Variants in LHFPL6 observed in about 807,000 individuals in gnomAD.
The protein encoded by LHFPL6 is LHFPL tetraspan subfamily member 6 protein.
Under a neutral mutation model 20.6 loss-of-function variants are expected in LHFPL6, and 9 were observed. That is an observed-to-expected ratio of 0.44 (90% CI 0.26 to 0.76). The LOEUF (loss-of-function observed/expected upper bound fraction) is 0.76. Among genes scored for constraint, LHFPL6 ranks in the 30% least tolerant of loss-of-function variants. The probability of loss-of-function intolerance (pLI) is 0.20; values close to 1 mark genes in which losing one functional copy is unlikely to be tolerated. For missense variants in LHFPL6, 218 were observed against 253.5 expected (o/e 0.86, Z 0.95); for synonymous variants, 105 against 98.7 (o/e 1.06, Z -0.38).
In LHFPL6 at chr13:39,500,704, G is replaced by A. The variant is rs532242858; in HGVS notation, c.385+100128C>T. On this transcript the variant is annotated intron_variant, in intron 2 of 3. Coordinates refer to ENST00000379589, the MANE Select transcript of LHFPL6 (RefSeq NM_005780.3). Reference sequence around the variant, plus strand: ...AAGGCCCATGAATTGTATATTAAATGTTCTCAAACCTTTTAAAATGTATAC... The same window carrying A: ...AAGGCCCATGAATTGTATATTAAATATTCTCAAACCTTTTAAAATGTATAC... Among the ~76,000 whole-genome samples the A allele has an allele frequency of 3.9e-5, 6 of 152,196 alleles. No homozygotes were observed. In the South Asian group the frequency reaches 1.2e-3, roughly 32 times the overall value.
chr13:39,574,803 G>A (rs1872058432), intron 2 of LHFPL6, among the ~76,000 whole-genome samples: 2 of 152,148 alleles, frequency 1.3e-5, no homozygotes, highest in South Asian at 2.1e-4. Context: ...CAGGAGTGGT[G>A]GCTCACGCCT....
At chr13:39,379,713 C>T (rs1870388528) in intron 2 of LHFPL6, among the ~76,000 whole-genome samples, 1 of 152,194 alleles carries the variant, frequency 6.6e-6, no homozygotes, top group Non-Finnish European at 1.5e-5. Context: ...CTTTCCATCC[C>T]TGTCCTCAAC....
chr13:39,437,830 A>T (rs961071033), intron 2 of LHFPL6, among the ~76,000 whole-genome samples: 4 of 150,896 alleles, frequency 2.7e-5, no homozygotes, highest in African/African-American at 9.7e-5. Flanking sequence ...TGAACCCAGG[A>T]GGCAGAGCTT....
At chr13:39,373,553 G>A (rs1870213544) in intron 3 of LHFPL6, among the ~76,000 whole-genome samples, 1 of 152,204 alleles carries the variant, frequency 6.6e-6, no homozygotes, top group Non-Finnish European at 1.5e-5. Context: ...CAGCGTACTA[G>A]GGTAATTGGA....
intron 2 of LHFPL6, among the ~76,000 whole-genome samples, chr13:39,559,123 G>A (rs1185838541): frequency 2.6e-5 from 4 of 152,172 alleles, no homozygotes; most frequent in South Asian, 2.1e-4. Flanking sequence ...GACAGCTGGC[G>A]GAAGTCTCAC....
At chr13:39,398,852 T>C (rs1870910242) in intron 2 of LHFPL6, among the ~76,000 whole-genome samples, 1 of 152,190 alleles carries the variant, frequency 6.6e-6, no homozygotes, top group African/African-American at 2.4e-5. Context: ...GTGCACTCCT[T>C]ATGAGAATCT....
intron 2 of LHFPL6, among the ~76,000 whole-genome samples, chr13:39,461,180 T>C (rs1471653369): frequency 6.6e-6 from 1 of 152,210 alleles, no homozygotes; most frequent in Non-Finnish European, 1.5e-5. Flanking sequence ...GTCGTTTTTA[T>C]GGCTGCATAG....
intron 1 of LHFPL6, among the ~76,000 whole-genome samples, chr13:39,602,102 T>C (rs867295906): frequency 1.2e-4 from 19 of 152,314 alleles, no homozygotes; most frequent in South Asian, 4.1e-4. Context: ...CACTGAATGA[T>C]TGTCTAATTT....
chr13:39,394,915 G>A (rs1454150525), intron 2 of LHFPL6, among the ~76,000 whole-genome samples: 2 of 152,164 alleles, frequency 1.3e-5, no homozygotes, highest in African/African-American at 4.8e-5. Flanking sequence ...AAAGAAGAAA[G>A]TACTTGATCT....
intron 3 of LHFPL6, among the ~76,000 whole-genome samples, chr13:39,353,820 G>A (rs377391655): frequency 3.9e-5 from 6 of 152,290 alleles, no homozygotes; most frequent in African/African-American, 9.6e-5. Flanking sequence ...ACTCCAAGGC[G>A]TCTATTTATT....
At chr13:39,429,542 A>G (rs1044254781) in intron 2 of LHFPL6, among the ~76,000 whole-genome samples, 1 of 152,048 alleles carries the variant, frequency 6.6e-6, no homozygotes, top group Admixed American at 6.6e-5. Context: ...TAGGTCTTAC[A>G]TTTTTATACA....
chr13:39,523,277 A>C (rs1593348212), intron 2 of LHFPL6, among the ~76,000 whole-genome samples: 2 of 152,154 alleles, frequency 1.3e-5, no homozygotes, highest in South Asian at 4.2e-4. Flanking sequence ...AACTACTAAA[A>C]AGTTAGTGCA....
chr13:39,393,445 C>T (rs959310697), intron 2 of LHFPL6, among the ~76,000 whole-genome samples: 10 of 152,096 alleles, frequency 6.6e-5, no homozygotes, highest in African/African-American at 2.4e-4. Context: ...TAGGCTGGAC[C>T]TGAGGGGAAG....
intron 2 of LHFPL6, among the ~76,000 whole-genome samples, chr13:39,520,323 C>CG (rs748657056): frequency 6.6e-6 from 1 of 152,128 alleles, no homozygotes; most frequent in Non-Finnish European, 1.5e-5. Context: ...ATGTGGCCCT[C>CG]GGTGATTGCT....
At chr13:39,452,557 A>T (rs1427444211) in intron 2 of LHFPL6, among the ~76,000 whole-genome samples, 1 of 152,190 alleles carries the variant, frequency 6.6e-6, no homozygotes, top group Non-Finnish European at 1.5e-5. Context: ...TTCTTCACAG[A>T]TCCCAGTGCT....
At chr13:39,432,479 C>T (rs1026795300) in intron 2 of LHFPL6, among the ~76,000 whole-genome samples, 1 of 151,988 alleles carries the variant, frequency 6.6e-6, no homozygotes, top group Non-Finnish European at 1.5e-5. Flanking sequence ...ATGCTCCCCT[C>T]CTCTGCAGGG....
chr13:39,379,257 T>C (rs1172012696), intron 2 of LHFPL6, among the ~76,000 whole-genome samples: 1 of 152,240 alleles, frequency 6.6e-6, no homozygotes, highest in Non-Finnish European at 1.5e-5. Context: ...GGTGAGTCTT[T>C]AGTTTGCATC....
chr13:39,412,947 T>C (rs1190589025), intron 2 of LHFPL6, among the ~76,000 whole-genome samples: 1 of 151,222 alleles, frequency 6.6e-6, no homozygotes, highest in Non-Finnish European at 1.5e-5. Context: ...AAAAAAATTG[T>C]AAATGGCAGC....
Position 39,435,662 on chromosome 13 carries a change from C to T in LHFPL6, c.386-57136G>A, listed in dbSNP as rs553219954. Among the ~76,000 whole-genome samples the T allele has an allele frequency of 3.7e-4, 57 of 152,134 alleles. No homozygotes were observed. In the South Asian group the frequency reaches 7.7e-3, roughly 20 times the overall value. ...ATGTATATACTACATACATAGACAG[C>T]GAAATACGAAGAACTCATGGATTCC... is the stretch of plus-strand genomic sequence containing the variant. On this transcript the variant is annotated intron_variant, in intron 2 of 3. Coordinates refer to ENST00000379589, the MANE Select transcript of LHFPL6 (RefSeq NM_005780.3).
Sources: gnomAD v4.1 joint callset for allele counts (sites outside exome capture counted in the v4.1 genomes callset) on GRCh38, gnomAD v4.1.1 for gene constraint, MANE v1.5 for transcripts, NCBI Gene and HGNC (gene_info 2026-07-23, HGNC 2026-07-21) for gene names.